IQCH: variants seen among roughly 807,000 people sequenced by gnomAD.
IQCH encodes IQ motif containing H, also known as IQ domain-containing protein H.
IQCH carries 98 observed loss-of-function variants against 117.0 expected under a neutral mutation model. That is an observed-to-expected ratio of 0.84 (90% CI 0.71 to 0.99). The LOEUF (loss-of-function observed/expected upper bound fraction) is 0.99, where lower values mean the gene tolerates loss of function less well. Ranked by LOEUF, IQCH falls within the 50% of genes least tolerant of loss-of-function variation. The probability of loss-of-function intolerance (pLI) is 0.00; values close to 1 mark genes in which losing one functional copy is unlikely to be tolerated. For missense variants in IQCH, 1,102 were observed against 1,243.8 expected, an observed-to-expected ratio of 0.89 and a Z score of 1.72; for synonymous variants, 412 against 448.2, an observed-to-expected ratio of 0.92 and a Z score of 1.02.
In IQCH at chr15:67,276,168, A is replaced by G. The variant is rs528695539; in HGVS notation, c.270-3227A>G. 1.2e-3 allele frequency among the ~76,000 whole-genome samples: 185 copies of G among 152,232 alleles called. 2 individuals are homozygous for G. Among genetic ancestry groups the G allele is most frequent in the Non-Finnish European group, 2.0e-3 (138 of 68,030 alleles). ...GGGGAGAAAAGCAGTGTACAAAATT[A>G]TATCTCAATTCAATTATCAATATCT... is the stretch of plus-strand genomic sequence containing the variant. On this transcript the variant is annotated intron_variant, in intron 3 of 20. Coordinates refer to ENST00000335894, the MANE Select transcript of IQCH (RefSeq NM_001031715.3).
chr15:67,273,537 A>T lies in IQCH; in HGVS notation c.270-5858A>T, dbSNP rs138602011. Among the ~76,000 whole-genome samples, 462 of 152,302 alleles carry T rather than the reference A, an allele frequency of 3.0e-3. 1 individual carries two copies. Among genetic ancestry groups the T allele is most frequent in the African/African-American group, 0.011 (443 of 41,570 alleles). On this transcript the variant is annotated intron_variant, in intron 3 of 20. Transcript: ENST00000335894. ...AAAAAATAATAGAAACAAAGAAAAA[A>T]CTTTAAAAAAACTCTACACTTTAAG... is the stretch of plus-strand genomic sequence containing the variant.
chr15:67,312,986 C>T (rs530486173), intron 4 of IQCH, among the ~76,000 whole-genome samples: 54 of 152,216 alleles, frequency 3.5e-4, no homozygotes, highest in Non-Finnish European at 2.9e-4. Context: ...TAGAGTGATT[C>T]GCCCTACATT....
chr15:67,323,234 G>T (rs1285747563), intron 4 of IQCH, among the ~76,000 whole-genome samples: 2 of 139,996 alleles, frequency 1.4e-5, no homozygotes, highest in Non-Finnish European at 3.0e-5. Flanking sequence ...CTGACTTAGG[G>T]TTACATTTTT....
rs1332279145 is a variant in IQCH, at chr15:67,429,923, AAATGTAAGACTTAAAT to A, written c.2505+8348_2505+8363del. Among the ~76,000 whole-genome samples the A allele has an allele frequency of 2.0e-5, 3 of 152,238 alleles. No homozygotes were observed. In the East Asian group the frequency reaches 5.8e-4, roughly 29 times the overall value. On this transcript the variant is annotated intron_variant, in intron 16 of 20. Transcript: ENST00000335894. ...TCTAGCAGAATAGAAGAAGTTGTGG[AAATGTAAGACTTAAAT>A]ATTGGAAGCATCAAGTAGAACACAC... is the stretch of plus-strand genomic sequence containing the variant.
chr15:67,318,820 C>T (rs1967975058), intron 4 of IQCH, among the ~76,000 whole-genome samples: 1 of 152,154 alleles, frequency 6.6e-6, no homozygotes, highest in Non-Finnish European at 1.5e-5. Context: ...GGTGCCAAGT[C>T]ACTTGGCTAA....
intron 6 of IQCH, among the ~76,000 whole-genome samples, chr15:67,344,828 C>A (rs1214079542): frequency 6.6e-6 from 1 of 151,994 alleles, no homozygotes; most frequent in Non-Finnish European, 1.5e-5. Flanking sequence ...CTAAATACAC[C>A]AATTAAAAGA....
chr15:67,452,484 AG>A (rs909420010), intron 16 of IQCH, among the ~76,000 whole-genome samples: 70 of 152,258 alleles, frequency 4.6e-4, no homozygotes, highest in African/African-American at 1.6e-3. Context: ...TCACTTATGA[AG>A]CTTAGTTTGG....
Position 67,475,742 on chromosome 15 carries a change from A to G in IQCH, c.2723A>G (p.His908Arg). The G allele has an allele frequency of 6.2e-7, 1 of 1,614,144 alleles. No individual in the cohort carries two copies. The highest frequency in any genetic ancestry group is 8.5e-7 in the Non-Finnish European group (1 of 1,179,988). ...RYAVMTTQLRHSNLSLVFHYV... is the reference protein window; with the variant it reads ...RYAVMTTQLRRSNLSLVFHYV... ...GCAGTGATGACCACCCAGCTAAGAC[A>G]CAGCAATCTCTCACTGGTTTTCCAC... The change falls in exon 18 of 21, where the codon CAC becomes CGC. Residue 908 changes from histidine (H) to arginine (R), a missense_variant. By Grantham distance (29) the His-to-Arg change is conservative. Coordinates refer to ENST00000335894, the MANE Select transcript of IQCH (RefSeq NM_001031715.3). This position sits in a 1 kb window ranked among gnomAD's most constrained non-coding sequence, Gnocchi z 5.7.
chr15:67,312,185 T>G (rs1021473700), intron 4 of IQCH, among the ~76,000 whole-genome samples: 1 of 152,122 alleles, frequency 6.6e-6, no homozygotes, highest in African/African-American at 2.4e-5. Context: ...ATGGTAGGTT[T>G]AGGGTACAGG....
At chr15:67,254,994 T>A (rs1290101122) in intron 1 of IQCH, 47 bp downstream of exon 1, 1 of 1,579,924 alleles carries the variant, frequency 6.3e-7, no homozygotes, top group East Asian at 2.3e-5. Context: ...GCCGCGCCAC[T>A]TCCGAGCGAG....
At chr15:67,455,716 G>A (rs1596414644) in intron 16 of IQCH, among the ~76,000 whole-genome samples, 1 of 152,130 alleles carries the variant, frequency 6.6e-6, no homozygotes, top group East Asian at 1.9e-4. Flanking sequence ...GAAGACTTTT[G>A]GAGATCATTT....
chr15:67,263,959 C>T (rs967123543), intron 3 of IQCH, among the ~76,000 whole-genome samples: 1 of 152,146 alleles, frequency 6.6e-6, no homozygotes, highest in Non-Finnish European at 1.5e-5. Flanking sequence ...AATCCTGTAG[C>T]CCTTATTTGT....
Position 67,263,172 on chromosome 15 carries a change from T to G in IQCH, c.225T>G (p.Thr75=), listed in dbSNP as rs370858896. The change falls in exon 3 of 21, where the codon ACT becomes ACG. Residue 75 remains threonine, a synonymous_variant. Coordinates refer to ENST00000335894, the MANE Select transcript of IQCH (RefSeq NM_001031715.3). ...LNVVNQNVLT[T]SVNDESLYTP... is the part of the protein sequence containing the mutation. ...TTGTAAACCAGAATGTATTAACGACTTCTGTTAATGATGAGAGCTTATATA... is the reference window on the plus strand; with the variant it reads ...TTGTAAACCAGAATGTATTAACGACGTCTGTTAATGATGAGAGCTTATATA... The G allele has an allele frequency of 6.3e-7, 1 of 1,583,440 alleles. No homozygotes were observed. The highest frequency in any genetic ancestry group is 1.3e-5 in the African/African-American group (1 of 74,342).
rs931374927 is a variant in IQCH at position 67,501,501 on chromosome 15, A to G, written c.*755A>G. Reference sequence around the variant, plus strand: ...ATTTTTTCAAGTTTAGTTCAACATTATACTACCTTTAAAAAGGCAGACTGT... The same window carrying G: ...ATTTTTTCAAGTTTAGTTCAACATTGTACTACCTTTAAAAAGGCAGACTGT... On this transcript the variant is annotated 3_prime_UTR_variant, in exon 21 of 21. Coordinates refer to ENST00000335894, the MANE Select transcript of IQCH (RefSeq NM_001031715.3). This position sits in a 1 kb window ranked among gnomAD's most constrained non-coding sequence, Gnocchi z 5.2. The G allele has an allele frequency of 2.6e-5, 4 of 152,348 alleles. No homozygotes were observed. Among genetic ancestry groups the G allele is most frequent in the Admixed American group, 2.6e-4 (4 of 15,300 alleles). 9.4% of individuals were successfully genotyped at this position (152,348 alleles called of 1,614,324 possible).
chr15:67,472,826 A>G lies in IQCH; in HGVS notation c.2677-2870A>G, dbSNP rs911390124. On this transcript the variant is annotated intron_variant, in intron 17 of 20. Transcript: ENST00000335894. This position sits in a 1 kb window ranked among gnomAD's most constrained non-coding sequence, Gnocchi z 4.3. ...AAAAGAAGGTTGGGAGACATGTACC[A>G]AATATCCTGGCTCTTCCTTCAGATT... Among the ~76,000 whole-genome samples, 3 of 152,238 alleles carry G rather than the reference A, an allele frequency of 2.0e-5. No individual in the cohort carries two copies. Among genetic ancestry groups the G allele is most frequent in the African/African-American group, 7.2e-5 (3 of 41,454 alleles).
At chr15:67,329,340 TG>T (rs1459506490) in intron 4 of IQCH, among the ~76,000 whole-genome samples, 1 of 151,818 alleles carries the variant, frequency 6.6e-6, no homozygotes, top group African/African-American at 2.4e-5. Context: ...AATGTTTACA[TG>T]GAAAAAAACC....
At chr15:67,314,484 G>A (rs1194198569) in intron 4 of IQCH, among the ~76,000 whole-genome samples, 55 of 136,212 alleles carry the variant, frequency 4.0e-4, no homozygotes, top group East Asian at 1.1e-3. Context: ...TGTGCTAAAT[G>A]AAAAAAAAAA....
chr15:67,330,165 A>G (rs1052518109), intron 4 of IQCH, among the ~76,000 whole-genome samples: 3 of 152,152 alleles, frequency 2.0e-5, no homozygotes, highest in African/African-American at 7.2e-5. Context: ...AAGCCACAGA[A>G]AGCTGCAAGG....
chr15:67,267,348 G>T (rs556137290), intron 3 of IQCH, among the ~76,000 whole-genome samples: 41 of 149,490 alleles, frequency 2.7e-4, no homozygotes, highest in African/African-American at 9.6e-4. Context: ...TGGCTCTCAG[G>T]GGGGCATCCT....
Sources: gnomAD v4.1 joint callset for allele counts (sites outside exome capture counted in the v4.1 genomes callset) on GRCh38, gnomAD v4.1.1 for gene constraint, Gnocchi (gnomAD v3.1) non-coding constraint, MANE v1.5 for transcripts, NCBI Gene and HGNC (gene_info 2026-07-23, HGNC 2026-07-21) for gene names.